Variants in SCFD2 observed in about 807,000 individuals in gnomAD.
SCFD2 encodes the protein sec1 family domain-containing protein 2.
A neutral mutation model predicts 58.9 loss-of-function variants in SCFD2; 54 were observed. The observed-to-expected ratio is 0.92, with a 90% CI of 0.74 to 1.15. The LOEUF (loss-of-function observed/expected upper bound fraction) is 1.15. Among genes scored for constraint, SCFD2 ranks in the 50% most tolerant of loss-of-function variants. The pLI, the probability that SCFD2 is intolerant of heterozygous loss-of-function variation, is 0.00. For synonymous variants in SCFD2, 321 were observed against 335.9 expected (o/e 0.96, Z 0.49); for missense variants, 805 against 836.6 (o/e 0.96, Z 0.47).
At chr4:53,222,562 G>A (rs1410916521) in intron 4 of SCFD2, among the ~76,000 whole-genome samples, 1 of 152,060 alleles carries the variant, frequency 6.6e-6, no homozygotes, top group African/African-American at 2.4e-5. Flanking sequence ...CAGTTCTAGG[G>A]AAAACAAGAC....
At chr4:53,236,808 T>A (rs1729628378) in intron 4 of SCFD2, among the ~76,000 whole-genome samples, 1 of 138,324 alleles carries the variant, frequency 7.2e-6, no homozygotes, top group Admixed American at 7.4e-5. Flanking sequence ...AAAGTCACTG[T>A]TTTATTTATT....
chr4:53,351,819 A>G (rs1217852627), intron 2 of SCFD2, among the ~76,000 whole-genome samples: 2 of 152,204 alleles, frequency 1.3e-5, no homozygotes, highest in Non-Finnish European at 2.9e-5. Flanking sequence ...TACATATACT[A>G]ATTATATTAA....
intron 5 of SCFD2, chr4:52,950,914 G>A (rs909781912): frequency 1.3e-4 from 20 of 152,096 alleles, no homozygotes; most frequent in African/African-American, 4.3e-4. Context: ...ATTAGACATG[G>A]CCCTGGAAAA....
At chr4:52,925,578 ATC>A (rs1450325189) in intron 5 of SCFD2, among the ~76,000 whole-genome samples, 11 of 152,006 alleles carry the variant, frequency 7.2e-5, no homozygotes, top group African/African-American at 2.7e-4. Context: ...CCTCCTTTGA[ATC>A]TCTGCTCTGT....
chr4:53,325,675 C>T (rs564223256), intron 2 of SCFD2, among the ~76,000 whole-genome samples: 1 of 152,278 alleles, frequency 6.6e-6, no homozygotes, highest in South Asian at 2.1e-4. Flanking sequence ...AGTCACTATA[C>T]AAGACTTTTG....
chr4:52,905,373 C>T (rs183000910), intron 7 of SCFD2, among the ~76,000 whole-genome samples: 7 of 152,316 alleles, frequency 4.6e-5, no homozygotes, highest in East Asian at 1.9e-4. Flanking sequence ...GGTTCAGCCA[C>T]GGAGAAGGCC....
chr4:52,882,761 C>T (rs1718649325), intron 8 of SCFD2, among the ~76,000 whole-genome samples: 1 of 152,192 alleles, frequency 6.6e-6, no homozygotes, highest in East Asian at 1.9e-4. Context: ...TGTGAGACCT[C>T]ACCTTGTGAC....
At chr4:53,268,923 A>G (rs1211780128) in intron 4 of SCFD2, among the ~76,000 whole-genome samples, 1 of 152,148 alleles carries the variant, frequency 6.6e-6, no homozygotes, top group African/African-American at 2.4e-5. Flanking sequence ...AAGTAATTAA[A>G]TATGTCAAGG....
chr4:53,117,413 G>C (rs1425446676), intron 5 of SCFD2, among the ~76,000 whole-genome samples: 4 of 152,278 alleles, frequency 2.6e-5, no homozygotes. Flanking sequence ...TCTCTACTGA[G>C]TGTTCTTGAG....
At chr4:53,212,575 C>CGG (rs1728652703) in intron 4 of SCFD2, among the ~76,000 whole-genome samples, 1 of 142,182 alleles carries the variant, frequency 7.0e-6, no homozygotes, top group African/African-American at 2.7e-5. Context: ...AAAGTGAGCA[C>CGG]GTGTGTGTGT....
rs564204062 is a variant in SCFD2, at chr4:53,256,168, C to T, written c.1311+17658G>A. Among the ~76,000 whole-genome samples, 322 of 150,736 alleles carry T rather than the reference C, an allele frequency of 2.1e-3. 1 individual carries two copies. Among genetic ancestry groups the T allele is most frequent in the African/African-American group, 7.3e-3 (297 of 40,940 alleles). On this transcript the variant is annotated intron_variant, in intron 4 of 8. Transcript: ENST00000401642. ...ACGGAGGGGCTCCTCACTTCTCAGA[C>T]GGGGCGGCTGCCGGGCGGAGGGACT...
intron 3 of SCFD2, among the ~76,000 whole-genome samples, chr4:53,281,689 T>C (rs540293733): frequency 2.6e-5 from 4 of 152,296 alleles, no homozygotes; most frequent in East Asian, 3.9e-4. Context: ...ATCACCGAAA[T>C]AGTCTATAAG....
At chr4:53,255,229 T>A (rs1463645326) in intron 4 of SCFD2, among the ~76,000 whole-genome samples, 1 of 53,184 alleles carries the variant, frequency 1.9e-5, no homozygotes, top group African/African-American at 6.2e-5. Context: ...TTATTTATTT[T>A]TTATGGATCA....
At chr4:52,996,113 C>T (rs1014173746) in intron 5 of SCFD2, among the ~76,000 whole-genome samples, 17 of 152,218 alleles carry the variant, frequency 1.1e-4, no homozygotes, top group African/African-American at 3.9e-4. Flanking sequence ...AACAAAAAGT[C>T]ACCTCGATTA....
intron 4 of SCFD2, among the ~76,000 whole-genome samples, chr4:53,185,631 C>G (rs1407906483): frequency 6.6e-6 from 1 of 151,982 alleles, no homozygotes; most frequent in Non-Finnish European, 1.5e-5. Flanking sequence ...CTAAATTAAG[C>G]TGGAATTACT....
chr4:53,107,181 G>T (rs1429168173), intron 5 of SCFD2, among the ~76,000 whole-genome samples: 2 of 152,146 alleles, frequency 1.3e-5, no homozygotes, highest in Admixed American at 1.3e-4. Flanking sequence ...AATGCTGAGA[G>T]ATTTTGTCAC....
intron 5 of SCFD2, among the ~76,000 whole-genome samples, chr4:52,998,405 G>T (rs927885151): frequency 6.6e-6 from 1 of 152,188 alleles, no homozygotes. Flanking sequence ...TGCATCCTGA[G>T]AAACTTTTAG....
intron 4 of SCFD2, among the ~76,000 whole-genome samples, chr4:53,217,181 G>A (rs1480139919): frequency 6.6e-6 from 1 of 152,154 alleles, no homozygotes; most frequent in African/African-American, 2.4e-5. Flanking sequence ...GCAGAGCTGA[G>A]TTCAATTCCT....
At chr4:53,306,210 G>A (rs1732508152) in intron 3 of SCFD2, among the ~76,000 whole-genome samples, 2 of 152,168 alleles carry the variant, frequency 1.3e-5, no homozygotes, top group South Asian at 2.1e-4. Context: ...ATTTTGGAGT[G>A]GAGTGTAGAA....
Sources: gnomAD v4.1 joint callset for allele counts (sites outside exome capture counted in the v4.1 genomes callset) on GRCh38, gnomAD v4.1.1 for gene constraint, MANE v1.5 for transcripts, NCBI Gene and HGNC (gene_info 2026-07-23, HGNC 2026-07-21) for gene names.